Variants in SLC12A1 observed in about 807,000 individuals in gnomAD.
SLC12A1 encodes the protein Na-K-2Cl cotransporter.
SLC12A1 carries 89 observed loss-of-function variants against 130.4 expected under a neutral mutation model. That is an observed-to-expected ratio of 0.68 (90% confidence interval 0.58 to 0.81). The LOEUF is 0.81. Ranked by LOEUF, SLC12A1 falls within the 40% of genes least tolerant of loss-of-function variation. SLC12A1 has a pLI of 0.00. For missense variants in SLC12A1, 1,310 were observed against 1,336.4 expected (o/e 0.98, Z 0.31); for synonymous variants, 499 against 460.0 (o/e 1.08, Z -1.09).
intron 3 of SLC12A1, 49 bp from the exon 4 acceptor site, chr15:48,220,872 T>C: frequency 6.2e-7 from 1 of 1,611,432 alleles, no homozygotes; most frequent in Non-Finnish European, 8.5e-7. Context: ...CCGGGTTTTG[T>C]CCCACTATCG....
chr15:48,231,876 T>A (rs1225248073), intron 7 of SLC12A1, among the ~76,000 whole-genome samples: 5 of 152,088 alleles, frequency 3.3e-5, no homozygotes, highest in Non-Finnish European at 7.4e-5. Flanking sequence ...TTAGCCAGGG[T>A]GGCGTATGCC....
At chr15:48,227,358 T>C (rs1425937499) in intron 5 of SLC12A1, 3 of 606,952 alleles carry the variant, frequency 4.9e-6, no homozygotes, top group African/African-American at 3.7e-5. Context: ...TTCATTGACA[T>C]GACCCATTTC....
At chr15:48,234,614 G>T (rs903276786) in intron 8 of SLC12A1, among the ~76,000 whole-genome samples, 1 of 151,916 alleles carries the variant, frequency 6.6e-6, no homozygotes, top group African/African-American at 2.4e-5. Flanking sequence ...TGTGGTGGCG[G>T]GCGCCTGTAA....
chr15:48,259,133 C>A (rs34081916), intron 16 of SLC12A1, 67 bp from the exon 17 acceptor site: 3 of 1,029,942 alleles, frequency 2.9e-6, no homozygotes, highest in Admixed American at 1.7e-5. Context: ...TGTCATCCCA[C>A]TGGAATGGTT....
At chr15:48,209,362 C>T (rs958801698) in intron 2 of SLC12A1, among the ~76,000 whole-genome samples, 5 of 152,170 alleles carry the variant, frequency 3.3e-5, no homozygotes, top group Non-Finnish European at 7.3e-5. Context: ...CCACCATGCC[C>T]GGCCTCCAAT....
intron 19 of SLC12A1, among the ~76,000 whole-genome samples, chr15:48,272,857 C>A (rs1423447839): frequency 5.3e-5 from 8 of 152,032 alleles, no homozygotes; most frequent in Non-Finnish European, 1.0e-4. Context: ...CCTATAATCC[C>A]AGCACTTTGG....
intron 24 of SLC12A1, among the ~76,000 whole-genome samples, chr15:48,296,112 G>C (rs991851940): frequency 3.3e-5 from 5 of 152,150 alleles, no homozygotes; most frequent in African/African-American, 1.2e-4. Flanking sequence ...TTGGACCTCG[G>C]CCGGGCAGCC....
chr15:48,270,989 C>T (rs925793325), intron 19 of SLC12A1, among the ~76,000 whole-genome samples: 1 of 150,304 alleles, frequency 6.7e-6, no homozygotes, highest in African/African-American at 2.4e-5. Flanking sequence ...TTTGGGAGGC[C>T]GAGGCGGGTG....
Position 48,207,548 on chromosome 15 carries a change from C to A in SLC12A1, c.-172C>A. ...TTCAATGACAGCTTTGAAGAACATC[C>A]TGAAGATTATATCGGAGACAATATA... On this transcript the variant is annotated 5_prime_UTR_variant, in exon 2 of 27. It adds an upstream start codon to the 5' untranslated region. Coordinates refer to ENST00000380993, the MANE Select transcript of SLC12A1 (RefSeq NM_000338.3). 1 of 462,844 alleles carries A rather than the reference C, an allele frequency of 2.2e-6. No homozygotes were observed. The highest frequency in any genetic ancestry group is 3.7e-6 in the Non-Finnish European group (1 of 272,246). 28.7% of individuals were successfully genotyped at this position (462,844 alleles called of 1,614,324 possible). A position where few individuals can be genotyped will look rare whatever the true frequency, so the allele number is the denominator to read the frequency against.
At chr15:48,270,552 A>C (rs1212237522) in intron 19 of SLC12A1, among the ~76,000 whole-genome samples, 1 of 149,204 alleles carries the variant, frequency 6.7e-6, no homozygotes, top group Non-Finnish European at 1.5e-5. Context: ...ACTCATGACT[A>C]TAACGCTATG....
At chr15:48,209,828 T>A (rs753181736) in intron 2 of SLC12A1, among the ~76,000 whole-genome samples, 1 of 152,146 alleles carries the variant, frequency 6.6e-6, no homozygotes, top group African/African-American at 2.4e-5. Context: ...CCCATGTTTT[T>A]AATTTTGTTT....
In SLC12A1 at chr15:48,247,017, G is replaced by A. The variant is rs374600843; in HGVS notation, c.1560+1G>A. ...TGTCAGCGCACCCAAAGTGTTCCAG[G>A]TAATACAAGCACAACAGCTTGTGCT... On this transcript the variant is annotated splice_donor_variant, in intron 12 of 26. Coordinates refer to ENST00000380993, the MANE Select transcript of SLC12A1 (RefSeq NM_000338.3). LOFTEE classifies it high-confidence loss of function. 77 of 1,607,330 alleles carry A rather than the reference G, an allele frequency of 4.8e-5. No homozygotes were observed. Among genetic ancestry groups the A allele is most frequent in the Non-Finnish European group, 6.2e-5 (73 of 1,174,016 alleles).
chr15:48,303,747 A>G lies in SLC12A1; in HGVS notation c.*862A>G, dbSNP rs565665101. ...ACAGATGAAATCTTTATAGATGACT[A>G]CTTGAAAACTAAGTGCTACAAATTT... On this transcript the variant is annotated 3_prime_UTR_variant, in exon 27 of 27. Coordinates refer to ENST00000380993, the MANE Select transcript of SLC12A1 (RefSeq NM_000338.3). 72 of 152,326 alleles carry G rather than the reference A, an allele frequency of 4.7e-4. No homozygotes were observed. Among genetic ancestry groups the G allele is most frequent in the African/African-American group, 1.5e-3 (61 of 41,580 alleles). 9.4% of individuals were successfully genotyped at this position (152,326 alleles called of 1,614,324 possible). A position where few individuals can be genotyped will look rare whatever the true frequency, so the allele number is the denominator to read the frequency against.
intron 15 of SLC12A1, 21 bp downstream of exon 15, chr15:48,251,791 A>C (rs1209347255): frequency 3.7e-6 from 6 of 1,608,326 alleles, no homozygotes; most frequent in African/African-American, 1.3e-5. Flanking sequence ...GACTGTCTGG[A>C]ATAGCGTTTC....
intron 20 of SLC12A1, among the ~76,000 whole-genome samples, chr15:48,279,748 T>C (rs1345698726): frequency 6.6e-6 from 1 of 152,234 alleles, no homozygotes; most frequent in Admixed American, 6.5e-5. Context: ...CCATATATTG[T>C]GGTCAAGTAT....
intron 8 of SLC12A1, 53 bp from the exon 9 acceptor site, chr15:48,234,821 TCTC>T (rs1296947089): frequency 6.4e-6 from 10 of 1,552,764 alleles, no homozygotes; most frequent in Non-Finnish European, 8.9e-6. Flanking sequence ...GGTAACTTAA[TCTC>T]CTGTACTGTG....
intron 2 of SLC12A1, among the ~76,000 whole-genome samples, chr15:48,212,220 A>G (rs2041059763): frequency 6.6e-6 from 1 of 152,310 alleles, no homozygotes; most frequent in East Asian, 1.9e-4. Context: ...ACTAAAAAAT[A>G]TGTAATAAAA....
At chr15:48,256,832 C>G (rs1566843945) in intron 16 of SLC12A1, among the ~76,000 whole-genome samples, 1 of 148,072 alleles carries the variant, frequency 6.8e-6, no homozygotes, top group East Asian at 2.0e-4. Flanking sequence ...GCCCCCCCCC[C>G]CAAATTTCTT....
intron 18 of SLC12A1, 148 bp from the exon 19 acceptor site, chr15:48,269,510 G>C (rs34048912): frequency 2.3e-6 from 1 of 433,810 alleles, no homozygotes; most frequent in Non-Finnish European, 4.2e-6. Flanking sequence ...GCTTGGGTAC[G>C]GGCATGAAGG....
Sources: gnomAD v4.1 joint callset for allele counts (sites outside exome capture counted in the v4.1 genomes callset) on GRCh38, gnomAD v4.1.1 for gene constraint, MANE v1.5 for transcripts, NCBI Gene and HGNC (gene_info 2026-07-23, HGNC 2026-07-21) for gene names.